The following TMIGD3 variants were observed in gnomAD, a reference collection of about 807,000 sequenced individuals.
TMIGD3 encodes transmembrane and immunoglobulin domain containing 3, also known as AD026 protein (AD026).
TMIGD3 carries 21 observed loss-of-function variants against 28.1 expected under a neutral mutation model. That is an observed-to-expected ratio of 0.75 (90% confidence interval 0.53 to 1.08). The LOEUF is 1.08. Ranked by LOEUF, TMIGD3 falls within the 50% of genes least tolerant of loss-of-function variation. The pLI is 0.00. For synonymous variants in TMIGD3, 151 were observed against 162.1 expected (o/e 0.93, Z 0.52); for missense variants, 416 against 435.6 (o/e 0.96, Z 0.40).
chr1:111,529,931 T>C (rs2101012790), intron 1 of TMIGD3, among the ~76,000 whole-genome samples: 1 of 147,374 alleles, frequency 6.8e-6, no homozygotes, highest in African/African-American at 2.6e-5. Flanking sequence ...GCTCCTCACT[T>C]CCCAGTAGGG....
chr1:111,505,197 C>CA (rs1417596390), upstream of TMIGD3, among the ~76,000 whole-genome samples: 1 of 150,194 alleles, frequency 6.7e-6, no homozygotes, highest in African/African-American at 2.5e-5. Context: ...TTAAATACTG[C>CA]AAAAAACCCT....
upstream of TMIGD3, among the ~76,000 whole-genome samples, chr1:111,506,874 C>G (rs769971075): frequency 6.8e-6 from 1 of 146,382 alleles, no homozygotes; most frequent in East Asian, 2.0e-4. Flanking sequence ...GATCAAGGTA[C>G]AATTTTTTTC....
upstream of TMIGD3, chr1:111,504,782 G>T: frequency 2.4e-6 from 2 of 839,098 alleles, no homozygotes; most frequent in Non-Finnish European, 1.4e-6. Context: ...CTTGTTAGTT[G>T]ATCTGCTCTG....
chr1:111,483,750 G>T lies in TMIGD3; in HGVS notation c.981C>A (p.Asn327Lys). ...GGACACGCGAGAAGGGCTTCAAAGTGTTGCCTACTTTGTTGGGGAATAGAA... is the reference window on the plus strand; with the variant it reads ...GGACACGCGAGAAGGGCTTCAAAGTTTTGCCTACTTTGTTGGGGAATAGAA... ...RRSQRNRRVG[N>K]TLKPFSRVLT... The change falls in exon 6 of 6, where the codon AAC (asparagine) becomes AAA (lysine). Residue 327 changes from asparagine (N) to lysine (K), a missense_variant. By Grantham distance (94) the Asn-to-Lys change is moderately conservative. Coordinates refer to ENST00000369716, the MANE Select transcript of TMIGD3 (RefSeq NM_020683.7). 1 of 1,613,784 alleles carries T rather than the reference G, an allele frequency of 6.2e-7. No individual in the cohort carries two copies.
chr1:111,513,653 C>T (rs761734541), intron 1 of TMIGD3, among the ~76,000 whole-genome samples: 3 of 152,184 alleles, frequency 2.0e-5, no homozygotes, highest in South Asian at 2.1e-4. Context: ...AAGTTCGACA[C>T]GGTTTCAGTG....
At chr1:111,526,393 G>A (rs10159029) in intron 1 of TMIGD3, among the ~76,000 whole-genome samples, 6,135 of 152,230 alleles carry the variant, frequency 0.04, 385 homozygotes, top group African/African-American at 0.14. Flanking sequence ...TCCTCCTTCA[G>A]TTGGCTCTCA....
At chr1:111,520,937 A>G (rs1337510132) in intron 1 of TMIGD3, among the ~76,000 whole-genome samples, 1 of 152,216 alleles carries the variant, frequency 6.6e-6, no homozygotes, top group East Asian at 1.9e-4. Context: ...TGAAACCATC[A>G]CCACAGTCAA....
At chr1:111,486,564 A>T in intron 4 of TMIGD3, 22 bp downstream of exon 4, 1 of 1,593,120 alleles carries the variant, frequency 6.3e-7, no homozygotes, top group Non-Finnish European at 8.6e-7. Context: ...AAGCCCATTC[A>T]TCCGCCAAGA....
chr1:111,518,491 G>A (rs11102296), intron 1 of TMIGD3, among the ~76,000 whole-genome samples: 39,072 of 152,120 alleles, frequency 0.26, 5,956 homozygotes, highest in Admixed American at 0.43. Context: ...AATCAAAAGC[G>A]TCTCCAGACA....
chr1:111,540,638 T>C (rs1384954643), intron 1 of TMIGD3, among the ~76,000 whole-genome samples: 2 of 152,196 alleles, frequency 1.3e-5, no homozygotes, highest in Non-Finnish European at 2.9e-5. Flanking sequence ...CATGCAAACT[T>C]CATGCTCCAG....
chr1:111,530,085 G>C (rs145470931), intron 1 of TMIGD3, among the ~76,000 whole-genome samples: 5 of 151,892 alleles, frequency 3.3e-5, no homozygotes, highest in Non-Finnish European at 5.9e-5. Flanking sequence ...GGGCAGAGGC[G>C]CCCCTCTGTA....
At chr1:111,505,429 T>C (rs918347644), upstream of TMIGD3, among the ~76,000 whole-genome samples, 5 of 152,224 alleles carry the variant, frequency 3.3e-5, no homozygotes, top group African/African-American at 9.6e-5. Context: ...CAGAATTCTC[T>C]GCACATACCA....
At chr1:111,514,438 C>T (rs1400286303) in intron 1 of TMIGD3, among the ~76,000 whole-genome samples, 1 of 152,040 alleles carries the variant, frequency 6.6e-6, no homozygotes, top group Non-Finnish European at 1.5e-5. Context: ...AGACCTGCAC[C>T]TGCAGTCCCA....
chr1:111,544,776 A>G (rs996127598), intron 1 of TMIGD3, among the ~76,000 whole-genome samples: 1 of 150,904 alleles, frequency 6.6e-6, no homozygotes, highest in Non-Finnish European at 1.5e-5. Flanking sequence ...AATTTGGTAC[A>G]TACCCAATTT....
Position 111,483,732 on chromosome 1 carries a change from C to T in TMIGD3, c.999G>A (p.Ser333=), listed in dbSNP as rs138837803. 263 of 1,614,000 alleles carry T rather than the reference C, an allele frequency of 1.6e-4. 1 individual carries two copies. In the African/African-American group the frequency reaches 3.1e-3, roughly 19 times the overall value. The change falls in exon 6 of 6, where the codon TCG becomes TCA. Residue 333 remains serine (S), a synonymous_variant. Coordinates refer to ENST00000369716, the MANE Select transcript of TMIGD3 (RefSeq NM_020683.7). The stretch of plus-strand genomic sequence containing the variant: ...CCATTTCCTTTGGAGTCAGGACACG[C>T]GAGAAGGGCTTCAAAGTGTTGCCTA... The part of the protein sequence containing the change: ...RRVGNTLKPF[S]RVLTPKEMAP...
chr1:111,498,189 T>C (rs1250630227), intron 1 of TMIGD3, among the ~76,000 whole-genome samples: 1 of 152,236 alleles, frequency 6.6e-6, no homozygotes, highest in African/African-American at 2.4e-5. Flanking sequence ...AGGTTCAGGA[T>C]AAACCTTCAG....
At chr1:111,509,106 C>T (rs1467081746) in intron 1 of TMIGD3, among the ~76,000 whole-genome samples, 7 of 152,286 alleles carry the variant, frequency 4.6e-5, no homozygotes, top group Non-Finnish European at 5.9e-5. Flanking sequence ...AACAAACAAA[C>T]AAACAAAAGC....
intron 1 of TMIGD3, among the ~76,000 whole-genome samples, chr1:111,514,118 C>T (rs780926106): frequency 3.9e-5 from 6 of 152,142 alleles, no homozygotes; most frequent in Non-Finnish European, 8.8e-5. Flanking sequence ...ATGCACATAC[C>T]CTTTTATAAA....
At chr1:111,553,323 A>G (rs1657347163) in intron 1 of TMIGD3, among the ~76,000 whole-genome samples, 1 of 152,234 alleles carries the variant, frequency 6.6e-6, no homozygotes, top group Non-Finnish European at 1.5e-5. Context: ...CTCATGACAT[A>G]TACAGCATTG....
Sources: gnomAD v4.1 joint callset for allele counts (sites outside exome capture counted in the v4.1 genomes callset) on GRCh38, gnomAD v4.1.1 for gene constraint, MANE v1.5 for transcripts, NCBI Gene and HGNC (gene_info 2026-07-23, HGNC 2026-07-21) for gene names.